Variants in LCOR observed in about 807,000 individuals in gnomAD.
LCOR encodes ligand-dependent corepressor.
Under a neutral mutation model 64.4 loss-of-function variants are expected in LCOR, and 14 were observed. That is an observed-to-expected ratio of 0.22 (90% CI 0.14 to 0.34). LCOR has a LOEUF of 0.34. Ranked by LOEUF, LCOR falls within the 10% of genes least tolerant of loss-of-function variation. LCOR has a pLI of 1.00. For synonymous variants in LCOR, 643 were observed against 642.5 expected, an observed-to-expected ratio of 1.00 and a Z score of -0.01; for missense variants, 1,686 against 1,765.3, an observed-to-expected ratio of 0.96 and a Z score of 0.80.
chr10:96,888,359 G>A (rs1435015557), intron 2 of LCOR, among the ~76,000 whole-genome samples: 5 of 44,910 alleles, frequency 1.1e-4, no homozygotes, highest in South Asian at 1.8e-3. Context: ...GCAAGACTCC[G>A]TCTCAAAAAA....
chr10:96,946,469 C>T (rs183402133), intron 5 of LCOR, among the ~76,000 whole-genome samples: 3 of 152,036 alleles, frequency 2.0e-5, no homozygotes, highest in East Asian at 1.9e-4. Context: ...TTTTAGCTTG[C>T]GTTGTCACTT....
chr10:96,845,737 G>A (rs1403982427), intron 2 of LCOR, among the ~76,000 whole-genome samples: 1 of 151,300 alleles, frequency 6.6e-6, no homozygotes, highest in Non-Finnish European at 1.5e-5. Flanking sequence ...AAAGTGCTGG[G>A]ATTACAGGTG....
intron 2 of LCOR, among the ~76,000 whole-genome samples, chr10:96,851,180 G>A (rs1845716618): frequency 6.6e-6 from 1 of 152,234 alleles, no homozygotes; most frequent in East Asian, 1.9e-4. Context: ...CTGCAGGGAA[G>A]CTGGACTGGA....
At chr10:96,854,142 A>G (rs1254524837) in intron 2 of LCOR, among the ~76,000 whole-genome samples, 3 of 152,202 alleles carry the variant, frequency 2.0e-5, no homozygotes, top group African/African-American at 7.2e-5. Flanking sequence ...CTCTGCTTGT[A>G]TAATATCTAA....
intron 7 of LCOR, among the ~76,000 whole-genome samples, chr10:96,968,527 A>G (rs931163285): frequency 3.9e-5 from 6 of 152,236 alleles, no homozygotes; most frequent in Admixed American, 1.3e-4. Flanking sequence ...CTCAGTGTTA[A>G]AAATCAGCAT....
At chr10:96,857,024 T>TG (rs1845816765) in intron 2 of LCOR, among the ~76,000 whole-genome samples, 1 of 152,068 alleles carries the variant, frequency 6.6e-6, no homozygotes, top group Non-Finnish European at 1.5e-5. Context: ...ATTCTCTTAC[T>TG]CTTTTTTTTA....
At chr10:96,836,250 C>G (rs1845439210) in intron 2 of LCOR, among the ~76,000 whole-genome samples, 2 of 152,152 alleles carry the variant, frequency 1.3e-5, no homozygotes, top group African/African-American at 4.8e-5. Flanking sequence ...GAATTTCTTA[C>G]ATAGTGAGAA....
intron 4 of LCOR, among the ~76,000 whole-genome samples, chr10:96,917,863 A>G (rs927438687): frequency 6.6e-6 from 1 of 152,220 alleles, no homozygotes; most frequent in African/African-American, 2.4e-5. Flanking sequence ...ATGGCTTGGC[A>G]TGAAATTAAA....
At chr10:96,931,299 TC>T (rs1448036289) in intron 4 of LCOR, among the ~76,000 whole-genome samples, 3 of 151,642 alleles carry the variant, frequency 2.0e-5, no homozygotes, top group Non-Finnish European at 4.4e-5. Context: ...AGTGGTGTCA[TC>T]TTGGTTCACT....
chr10:96,945,924 C>CTT (rs34834224), intron 5 of LCOR, among the ~76,000 whole-genome samples: 3 of 138,836 alleles, frequency 2.2e-5, no homozygotes, highest in African/African-American at 5.3e-5. Context: ...TAAAGTTTTT[C>CTT]TTTTTTTTTT....
At chr10:96,860,883 C>T (rs891648134) in intron 2 of LCOR, among the ~76,000 whole-genome samples, 3 of 152,120 alleles carry the variant, frequency 2.0e-5, no homozygotes, top group Non-Finnish European at 4.4e-5. Flanking sequence ...AGTGAAACGC[C>T]TACAGTAAAT....
In LCOR at chr10:96,984,321, G is replaced by T; in HGVS notation, c.3861G>T (p.Glu1287Asp). The stretch of plus-strand genomic sequence containing the variant: ...GCCCTAATTCTGAAGACAGCATAGA[G>T]GAAGTCAAGGAAGATAGAAACAGTC... ...SPGPNSEDSI[E>D]EVKEDRNSHP... The change falls in exon 8 of 8, where the codon GAG becomes GAT. Residue 1287 changes from glutamate (E) to aspartate (D), a missense_variant. Coordinates refer to ENST00000421806, the MANE Select transcript of LCOR (RefSeq NM_001346516.2). The T allele has an allele frequency of 1.9e-6, 3 of 1,614,120 alleles. No individual in the cohort carries two copies. Among genetic ancestry groups the T allele is most frequent in the Non-Finnish European group, 2.5e-6 (3 of 1,180,034 alleles).
chr10:96,944,007 A>G (rs1756183196), intron 4 of LCOR, 106 bp from the exon 5 acceptor site: 1 of 620,350 alleles, frequency 1.6e-6, no homozygotes, highest in Non-Finnish European at 2.0e-6. Context: ...TTTTAATTGC[A>G]TCAAATTAAT....
intron 4 of LCOR, among the ~76,000 whole-genome samples, chr10:96,922,853 A>G (rs1847103797): frequency 6.6e-6 from 1 of 152,152 alleles, no homozygotes; most frequent in South Asian, 2.1e-4. Context: ...TATATTGACA[A>G]GAGTCATTTG....
intron 2 of LCOR, among the ~76,000 whole-genome samples, chr10:96,887,109 A>T (rs956360573): frequency 6.6e-6 from 1 of 152,128 alleles, no homozygotes. Flanking sequence ...CACTGTGTTG[A>T]CAGTTGTTCT....
At chr10:96,842,417 T>A (rs1336110191) in intron 2 of LCOR, among the ~76,000 whole-genome samples, 1 of 151,756 alleles carries the variant, frequency 6.6e-6, no homozygotes, top group Non-Finnish European at 1.5e-5. Flanking sequence ...CATACATAAA[T>A]AGGAAAGAGA....
At chr10:96,881,152 G>C (rs186468076) in intron 2 of LCOR, among the ~76,000 whole-genome samples, 83 of 152,220 alleles carry the variant, frequency 5.5e-4, no homozygotes, top group African/African-American at 2.0e-3. Context: ...TTACAGAAAA[G>C]GTTTGTCTGA....
intron 7 of LCOR, among the ~76,000 whole-genome samples, chr10:96,980,016 C>T (rs1260233390): frequency 1.3e-5 from 2 of 152,120 alleles, no homozygotes; most frequent in Non-Finnish European, 2.9e-5. Context: ...TGGCGGCGTG[C>T]GCCTGTAGTT....
chr10:96,867,509 A>T (rs1845994413), intron 2 of LCOR, among the ~76,000 whole-genome samples: 1 of 152,138 alleles, frequency 6.6e-6, no homozygotes, highest in African/African-American at 2.4e-5. Context: ...AGGTGGGAGG[A>T]TCGCTTGAGC....
Sources: allele counts gnomAD v4.1 joint callset (sites outside exome capture counted in the v4.1 genomes callset), GRCh38; gene constraint gnomAD v4.1.1; transcripts MANE v1.5; gene names NCBI Gene and HGNC (gene_info 2026-07-23, HGNC 2026-07-21).